GKAP1: variants seen among roughly 807,000 people sequenced by gnomAD.
GKAP1 encodes the protein G kinase anchoring protein 1.
Under a neutral mutation model 56.7 loss-of-function variants are expected in GKAP1, and 31 were observed. The ratio of observed to expected loss-of-function variants is 0.55; its 90% CI spans 0.41 to 0.74. The LOEUF is 0.74. GKAP1 is among the 30% of genes least tolerant of loss of function. The pLI is 0.00. For missense variants in GKAP1, 364 were observed against 402.3 expected (o/e 0.90, Z 0.82); for synonymous variants, 151 against 138.6 (o/e 1.09, Z -0.63).
chr9:83,751,892 A>T (rs1238711733), intron 9 of GKAP1, among the ~76,000 whole-genome samples: 1 of 152,198 alleles, frequency 6.6e-6, no homozygotes, highest in Non-Finnish European at 1.5e-5. Flanking sequence ...AAAATGACAC[A>T]GGTGCCATGG....
At chr9:83,803,554 G>T (rs1335273241) in intron 3 of GKAP1, among the ~76,000 whole-genome samples, 2 of 152,240 alleles carry the variant, frequency 1.3e-5, no homozygotes, top group Admixed American at 6.5e-5. Context: ...TTCACTCAGT[G>T]CTCAATGGTG....
At chr9:83,795,781 T>C (rs1367764499) in intron 4 of GKAP1, among the ~76,000 whole-genome samples, 1 of 152,056 alleles carries the variant, frequency 6.6e-6, no homozygotes, top group East Asian at 1.9e-4. Flanking sequence ...CGCAAACTCC[T>C]GGGCTCAAGT....
intron 3 of GKAP1, among the ~76,000 whole-genome samples, chr9:83,805,486 A>T (rs369209059): frequency 2.3e-4 from 35 of 152,292 alleles, no homozygotes; most frequent in African/African-American, 2.9e-4. Flanking sequence ...AAATAAAAAA[A>T]AAACCATGTA....
chr9:83,742,277 T>C (rs1943221282), intron 11 of GKAP1, among the ~76,000 whole-genome samples: 1 of 152,150 alleles, frequency 6.6e-6, no homozygotes, highest in South Asian at 2.1e-4. Context: ...TTAAGTTCTA[T>C]TGGCCCTTTC....
At chr9:83,808,408 C>A (rs961661619) in intron 2 of GKAP1, among the ~76,000 whole-genome samples, 1 of 152,052 alleles carries the variant, frequency 6.6e-6, no homozygotes, top group Admixed American at 6.6e-5. Context: ...CCAGCCTGGG[C>A]AACATAGTGA....
chr9:83,810,356 G>A (rs1218448731), intron 2 of GKAP1, among the ~76,000 whole-genome samples: 1 of 152,164 alleles, frequency 6.6e-6, no homozygotes, highest in Non-Finnish European at 1.5e-5. Context: ...ATTTTAAAAT[G>A]AAAAGTTAAT....
intron 5 of GKAP1, among the ~76,000 whole-genome samples, chr9:83,787,568 T>C (rs997313676): frequency 2.0e-5 from 3 of 152,212 alleles, no homozygotes; most frequent in African/African-American, 7.2e-5. Flanking sequence ...CACAAGGACA[T>C]GGCCAAAAAG....
At chr9:83,740,852 A>G (rs1943194435) in intron 12 of GKAP1, among the ~76,000 whole-genome samples, 1 of 152,102 alleles carries the variant, frequency 6.6e-6, no homozygotes, top group Admixed American at 6.6e-5. Flanking sequence ...TTTTCTGACT[A>G]TAATAACCAT....
At chr9:83,799,102 G>C (rs946694579) in intron 4 of GKAP1, 83 bp downstream of exon 4, 38 of 1,145,892 alleles carry the variant, frequency 3.3e-5, no homozygotes, top group Admixed American at 1.6e-4. Context: ...CAGAACAGTG[G>C]TGACGTGAAT....
At chr9:83,795,233 A>G (rs1033533767) in intron 4 of GKAP1, among the ~76,000 whole-genome samples, 1 of 152,084 alleles carries the variant, frequency 6.6e-6, no homozygotes, top group Admixed American at 6.6e-5. Flanking sequence ...ATTTTTTTAA[A>G]AACAGCTTTA....
At chr9:83,743,351 T>C (rs1014114918) in intron 10 of GKAP1, among the ~76,000 whole-genome samples, 1 of 151,988 alleles carries the variant, frequency 6.6e-6, no homozygotes, top group African/African-American at 2.4e-5. Flanking sequence ...TCCTAGCACT[T>C]TGGGAGGCTG....
chr9:83,743,431 G>A (rs974419444), intron 10 of GKAP1, among the ~76,000 whole-genome samples: 2 of 151,738 alleles, frequency 1.3e-5, no homozygotes, highest in Admixed American at 6.6e-5. Context: ...CCTGTCCCTA[G>A]TAAAAACACA....
At chr9:83,777,096 C>G (rs1943876572) in intron 7 of GKAP1, among the ~76,000 whole-genome samples, 1 of 152,200 alleles carries the variant, frequency 6.6e-6, no homozygotes. Context: ...CTGTAAAAAG[C>G]AGGCAGGCTA....
intron 7 of GKAP1, among the ~76,000 whole-genome samples, chr9:83,773,995 T>C (rs748999787): frequency 4.6e-5 from 7 of 151,976 alleles, no homozygotes; most frequent in Admixed American, 1.3e-4. Context: ...TATTATTTTG[T>C]AGACAGTTTT....
chr9:83,775,259 A>G (rs1943838371), intron 7 of GKAP1, among the ~76,000 whole-genome samples: 1 of 152,028 alleles, frequency 6.6e-6, no homozygotes, highest in South Asian at 2.1e-4. Context: ...CTCTCACCTC[A>G]GCCTCTGAAG....
At chr9:83,775,356 C>T (rs982419780) in intron 7 of GKAP1, among the ~76,000 whole-genome samples, 1 of 152,108 alleles carries the variant, frequency 6.6e-6, no homozygotes, top group Non-Finnish European at 1.5e-5. Context: ...ACAGCCATTT[C>T]TCCAACGAGT....
chr9:83,753,784 T>G (rs1403745520), intron 8 of GKAP1, among the ~76,000 whole-genome samples: 1 of 151,998 alleles, frequency 6.6e-6, no homozygotes, highest in Admixed American at 6.6e-5. Context: ...ACTAGAAAAA[T>G]AATTTCCTCA....
At chr9:83,746,426 G>A (rs1943294706) in intron 10 of GKAP1, among the ~76,000 whole-genome samples, 1 of 152,106 alleles carries the variant, frequency 6.6e-6, no homozygotes, top group East Asian at 1.9e-4. Context: ...TTACTAGCTG[G>A]GCGTGGTGGC....
intron 9 of GKAP1, among the ~76,000 whole-genome samples, chr9:83,749,732 A>T (rs1943355915): frequency 6.6e-6 from 1 of 151,700 alleles, no homozygotes; most frequent in Non-Finnish European, 1.5e-5. Context: ...TCCAATAAAG[A>T]TGGCTTTTAC....
Sources: gnomAD v4.1 joint callset for allele counts (sites outside exome capture counted in the v4.1 genomes callset) on GRCh38, gnomAD v4.1.1 for gene constraint, MANE v1.5 for transcripts, NCBI Gene and HGNC (gene_info 2026-07-23, HGNC 2026-07-21) for gene names.